BUD13: variants seen among roughly 807,000 people sequenced by gnomAD.
BUD13 encodes the protein BUD13 homolog.
BUD13 carries 47 observed loss-of-function variants against 62.5 expected under a neutral mutation model. The ratio of observed to expected loss-of-function variants is 0.75; its 90% confidence interval spans 0.60 to 0.96. BUD13 has a LOEUF of 0.96. Among genes scored for constraint, BUD13 ranks in the 40% least tolerant of loss-of-function variants. BUD13 has a pLI of 0.00. For synonymous variants in BUD13, 293 were observed against 280.1 expected, an observed-to-expected ratio of 1.05 and a Z score of -0.46; for missense variants, 821 against 790.9, an observed-to-expected ratio of 1.04 and a Z score of -0.46.
intron 9 of BUD13, among the ~76,000 whole-genome samples, chr11:116,750,986 T>A (rs1940222065): frequency 6.6e-6 from 1 of 152,172 alleles, no homozygotes; most frequent in Admixed American, 6.5e-5. Context: ...TCCTTTAATA[T>A]CCTTCCTTTC....
At position 116,762,837 on chromosome 11, in the gene BUD13, G is replaced by A; in HGVS notation, c.752C>T (p.Thr251Ile). 6.2e-7 allele frequency: 1 copy of A among 1,614,092 alleles called. No homozygotes were observed. Among genetic ancestry groups the A allele is most frequent in the African/African-American group, 1.3e-5 (1 of 74,992 alleles). The change falls in exon 4 of 10, where the codon ACA becomes ATA. Residue 251 changes from threonine (T) to isoleucine (I), a missense_variant. Thr to Ile is a moderately conservative substitution (Grantham distance 89, BLOSUM62 -1). Around this residue, in one of 2 missense-constraint regions of BUD13, gnomAD observed 800 missense variants for 739.2 expected, o/e 1.08. Coordinates refer to ENST00000260210, the MANE Select transcript of BUD13 (RefSeq NM_032725.4). Reference sequence around the variant, plus strand: ...TGAAGAGCCAAGAGTCCTCCTAGATGTGTCAGGGGAGTTGTTATGGACCCT... The same window carrying A: ...TGAAGAGCCAAGAGTCCTCCTAGATATGTCAGGGGAGTTGTTATGGACCCT... ...PRRVHNNSPD[T>I]SRRTLGSSDT...
intron 9 of BUD13, among the ~76,000 whole-genome samples, chr11:116,756,726 T>G (rs1448316246): frequency 6.6e-6 from 1 of 152,046 alleles, no homozygotes; most frequent in Non-Finnish European, 1.5e-5. Flanking sequence ...TGAGGTGGGG[T>G]AGAGGACTGG....
At chr11:116,755,472 A>G (rs1228656129) in intron 9 of BUD13, among the ~76,000 whole-genome samples, 1 of 152,232 alleles carries the variant, frequency 6.6e-6, no homozygotes, top group East Asian at 1.9e-4. Flanking sequence ...AAAAATTAAT[A>G]TAACAGTAAG....
chr11:116,764,460 T>C (rs1464962060), intron 3 of BUD13, among the ~76,000 whole-genome samples: 1 of 151,836 alleles, frequency 6.6e-6, no homozygotes, highest in East Asian at 1.9e-4. Context: ...CAAATTGGGA[T>C]GGGGGAGTGA....
At chr11:116,768,964 G>A (rs1940578041) in intron 2 of BUD13, among the ~76,000 whole-genome samples, 2 of 142,274 alleles carry the variant, frequency 1.4e-5, no homozygotes, top group Non-Finnish European at 3.0e-5. Context: ...GCAGTGAGCC[G>A]AGATCATACC....
chr11:116,770,185 T>C lies in BUD13; in HGVS notation c.181A>G (p.Ile61Val), dbSNP rs773294669. 1.9e-6 allele frequency: 3 copies of C among 1,613,812 alleles called. No individual in the cohort carries two copies. Among genetic ancestry groups the C allele is most frequent in the South Asian group, 2.2e-5 (2 of 91,050 alleles). ...TCCTTTTCTAGTTTGGTTGTGGAGA[T>C]AGCTGTCCAGCTCACATCATCATCC... The part of the protein sequence containing the change: ...IVDDDVSWTA[I>V]STTKLEKEEE... The change falls in exon 2 of 10, where the codon ATC (isoleucine) becomes GTC (valine). Residue 61 changes from isoleucine to valine, a missense_variant. This residue lies in a region of BUD13 where 800 missense variants were observed against 739.2 expected (regional missense o/e 1.08). Coordinates refer to ENST00000260210, the MANE Select transcript of BUD13 (RefSeq NM_032725.4).
intron 9 of BUD13, among the ~76,000 whole-genome samples, chr11:116,752,336 C>T (rs1940251376): frequency 6.6e-6 from 1 of 151,948 alleles, no homozygotes; most frequent in Non-Finnish European, 1.5e-5. Flanking sequence ...TATTCCCTTG[C>T]AGCAGGCCGA....
At position 116,762,783 on chromosome 11, in the gene BUD13, T is replaced by A; in HGVS notation, c.806A>T (p.His269Leu). The A allele has an allele frequency of 6.2e-7, 1 of 1,614,180 alleles. No individual in the cohort carries two copies. The highest frequency in any genetic ancestry group is 8.5e-7 in the Non-Finnish European group (1 of 1,180,018). ...SDTQQLRRAR[H>L]DSPDLAPNVT... ...ATTAGGAGCCAAATCAGGGGAGTCA[T>A]GACGGGCCCTTCTGAGTTGCTGTGT... The change falls in exon 4 of 10, where the codon CAT (histidine) becomes CTT (leucine). Residue 269 changes from histidine to leucine, a missense_variant. By Grantham distance (99) the His-to-Leu change is moderately conservative. Coordinates refer to ENST00000260210, the MANE Select transcript of BUD13 (RefSeq NM_032725.4).
In BUD13 at chr11:116,757,943, G is replaced by A; in HGVS notation, c.1507C>T (p.Gln503Ter). The change falls in exon 8 of 10, where the codon CAG becomes TAG. Residue 503 changes from glutamine (Q) to a stop codon, truncating the protein, a stop_gained. Coordinates refer to ENST00000260210, the MANE Select transcript of BUD13 (RefSeq NM_032725.4). LOFTEE classifies it high-confidence loss of function. Reference protein sequence around the residue: ...LYAQWGKGLAQSRQQQQNVED... With the variant: ...LYAQWGKGLA ...ACATTTTGTTGCTGTTGCCGGCTCT[G>A]GGCAAGCCTGGGCAAAAAGGAACCA... 1.2e-6 allele frequency: 2 copies of A among 1,613,464 alleles called. No homozygotes were observed. Among genetic ancestry groups the A allele is most frequent in the Non-Finnish European group, 1.7e-6 (2 of 1,179,946 alleles).
chr11:116,761,444 T>C (rs1397235601), intron 4 of BUD13, among the ~76,000 whole-genome samples: 6 of 152,198 alleles, frequency 3.9e-5, no homozygotes, highest in Admixed American at 6.5e-5. Flanking sequence ...AGAATTATCA[T>C]TAACCTAAAC....
intron 9 of BUD13, among the ~76,000 whole-genome samples, chr11:116,750,932 A>G (rs566108191): frequency 6.6e-6 from 1 of 152,294 alleles, no homozygotes; most frequent in South Asian, 2.1e-4. Context: ...TGGTAACACC[A>G]TGGTGTCTCA....
intron 4 of BUD13, among the ~76,000 whole-genome samples, chr11:116,761,838 G>C (rs545328254): frequency 6.6e-6 from 1 of 152,274 alleles, no homozygotes; most frequent in Non-Finnish European, 1.5e-5. Context: ...AATATGTATC[G>C]ACAGTCTTTA....
chr11:116,750,469 A>G (rs533575813), intron 9 of BUD13, among the ~76,000 whole-genome samples: 20 of 152,332 alleles, frequency 1.3e-4, no homozygotes, highest in African/African-American at 4.6e-4. Flanking sequence ...CAACGGAACT[A>G]GCCCTTTCAG....
chr11:116,757,449 C>G (rs998168457), intron 8 of BUD13, among the ~76,000 whole-genome samples: 1 of 150,700 alleles, frequency 6.6e-6, no homozygotes, highest in African/African-American at 2.4e-5. Context: ...GCGTGCACCA[C>G]CATGACCGGC....
At chr11:116,754,416 T>C (rs898904906) in intron 9 of BUD13, among the ~76,000 whole-genome samples, 4 of 152,140 alleles carry the variant, frequency 2.6e-5, no homozygotes, top group Admixed American at 6.5e-5. Flanking sequence ...TATAAGTAAA[T>C]AGCAGTAAGA....
At chr11:116,762,026 A>T (rs1353469178) in intron 4 of BUD13, among the ~76,000 whole-genome samples, 1 of 152,262 alleles carries the variant, frequency 6.6e-6, no homozygotes, top group Non-Finnish European at 1.5e-5. Context: ...AAAAACTTAG[A>T]AATAACCAAA....
chr11:116,763,231 G>A lies in BUD13; in HGVS notation c.358C>T (p.Arg120Cys), dbSNP rs10488698. 0.055 allele frequency: 85,213 copies of A among 1,547,288 alleles called. 2,639 individuals are homozygous for A. Among genetic ancestry groups the A allele is most frequent in the Admixed American group, 0.11 (5,555 of 49,744 alleles). The part of the protein sequence containing the change: ...NEDLPSNRHF[R>C]HDTPDSSPRR... ...GGAGATGAATCCGGGGTATCGTGACGAAAATGTCTGTTTGAGGGTAGGTCT... is the reference window on the plus strand; with the variant it reads ...GGAGATGAATCCGGGGTATCGTGACAAAAATGTCTGTTTGAGGGTAGGTCT... The change falls in exon 4 of 10, where the codon CGT becomes TGT. Residue 120 changes from arginine (R) to cysteine (C), a missense_variant. Coordinates refer to ENST00000260210, the MANE Select transcript of BUD13 (RefSeq NM_032725.4).
Position 116,762,687 on chromosome 11 carries a change from T to A in BUD13, c.902A>T (p.His301Leu), listed in dbSNP as rs766587046. The change falls in exon 4 of 10, where the codon CAT becomes CTT. Residue 301 changes from histidine (H) to leucine (L), a missense_variant. His to Leu is a moderately conservative substitution (Grantham distance 99). Transcript: ENST00000260210. ...ATGGGAGGCTCCTGACTCCTTCCAA[T>A]GTGGAGAAGTCTTGCTAGAGGCTCT... ...PERASSKTSP[H>L]WKESGASHLS... 1 of 1,614,182 alleles carries A rather than the reference T, an allele frequency of 6.2e-7. No individual in the cohort carries two copies. The highest frequency in any genetic ancestry group is 8.5e-7 in the Non-Finnish European group (1 of 1,180,016).
At chr11:116,750,992 C>T (rs1158998315) in intron 9 of BUD13, among the ~76,000 whole-genome samples, 1 of 152,170 alleles carries the variant, frequency 6.6e-6, no homozygotes, top group African/African-American at 2.4e-5. Flanking sequence ...AATATCCTTC[C>T]TTTCCTTCTT....
Sources: allele counts gnomAD v4.1 joint callset (sites outside exome capture counted in the v4.1 genomes callset), GRCh38; gene constraint gnomAD v4.1.1; regional missense constraint gnomAD v4.1.1; transcripts MANE v1.5; gene names NCBI Gene and HGNC (gene_info 2026-07-23, HGNC 2026-07-21).